Variants in TMEM273 observed in about 807,000 individuals in gnomAD.
The protein encoded by TMEM273 is chromosome 10 open reading frame 128.
A neutral mutation model predicts 17.9 loss-of-function variants in TMEM273; 19 were observed. That is an observed-to-expected ratio of 1.06 (90% CI 0.74 to 1.55). The LOEUF (loss-of-function observed/expected upper bound fraction) is 1.55. Ranked by LOEUF, TMEM273 falls within the 40% of genes most tolerant of loss-of-function variation. The pLI is 0.00. For synonymous variants in TMEM273, 66 were observed against 62.0 expected, an observed-to-expected ratio of 1.07 and a Z score of -0.31; for missense variants, 194 against 155.6, an observed-to-expected ratio of 1.25 and a Z score of -1.31.
At chr10:49,162,714 C>T (rs369766860) in intron 5 of TMEM273, among the ~76,000 whole-genome samples, 1 of 152,114 alleles carries the variant, frequency 6.6e-6, no homozygotes, top group African/African-American at 2.4e-5. Context: ...AGCAGAGGGC[C>T]CCTGAGGCCA....
At chr10:49,165,083 A>C in intron 5 of TMEM273, 122 bp downstream of exon 5, 1 of 1,371,056 alleles carries the variant, frequency 7.3e-7, no homozygotes, top group Non-Finnish European at 9.6e-7. Context: ...TTTAGAAAAA[A>C]ACCCATGCAA....
intron 1 of TMEM273, among the ~76,000 whole-genome samples, chr10:49,186,917 C>T (rs149019805): frequency 1.3e-5 from 2 of 152,216 alleles, no homozygotes; most frequent in East Asian, 3.9e-4. Context: ...CCCAGCACAT[C>T]GACACACTAA....
chr10:49,165,919 G>A lies in TMEM273; in HGVS notation c.239-123C>T, dbSNP rs533735223. The A allele has an allele frequency of 1.4e-5, 17 of 1,253,220 alleles. No homozygotes were observed. The East Asian group carries it at 4.0e-4, about 30-fold the overall frequency. 77.6% of individuals were successfully genotyped at this position (1,253,220 alleles called of 1,614,324 possible). A position where few individuals can be genotyped will look rare whatever the true frequency, so the allele number is the denominator to read the frequency against. The stretch of plus-strand genomic sequence containing the variant: ...TCACGGTTGCCCTCGAGAGACCCGG[G>A]GCCTGGCTGCTATGTGATGAAGAGG... On this transcript the variant is annotated intron_variant, in intron 3 of 6. Transcript: ENST00000374153.
intron 1 of TMEM273, among the ~76,000 whole-genome samples, chr10:49,177,351 G>A (rs537468082): frequency 1.2e-4 from 18 of 152,270 alleles, no homozygotes; most frequent in African/African-American, 2.6e-4. Flanking sequence ...TCCCTGATTC[G>A]GGTCCTCACT....
intron 1 of TMEM273, among the ~76,000 whole-genome samples, chr10:49,182,276 T>C (rs1564647226): frequency 6.6e-6 from 1 of 152,182 alleles, no homozygotes; most frequent in Non-Finnish European, 1.5e-5. Flanking sequence ...GGAACAGCTG[T>C]CAGGAAAAAT....
At chr10:49,163,481 A>T (rs1479369871) in intron 5 of TMEM273, among the ~76,000 whole-genome samples, 1 of 152,132 alleles carries the variant, frequency 6.6e-6, no homozygotes, top group African/African-American at 2.4e-5. Context: ...CGGGGCCTGG[A>T]CACTTCACAG....
At chr10:49,162,101 A>G (rs1164249945) in intron 5 of TMEM273, among the ~76,000 whole-genome samples, 1 of 152,186 alleles carries the variant, frequency 6.6e-6, no homozygotes, top group Non-Finnish European at 1.5e-5. Context: ...TGATAGCTCA[A>G]AATAACCCAG....
At chr10:49,166,841 AG>A in intron 3 of TMEM273, 27 bp downstream of exon 3, 1 of 1,612,190 alleles carries the variant, frequency 6.2e-7, no homozygotes. Flanking sequence ...GGTGGGGCAG[AG>A]CCAGGCCCGA....
At chr10:49,169,840 G>A (rs1358727095) in intron 1 of TMEM273, among the ~76,000 whole-genome samples, 2 of 152,242 alleles carry the variant, frequency 1.3e-5, no homozygotes, top group African/African-American at 2.4e-5. Flanking sequence ...CCAACTCAGA[G>A]CTGTGTGTGC....
intron 1 of TMEM273, among the ~76,000 whole-genome samples, chr10:49,176,503 G>A (rs1020321896): frequency 1.9e-4 from 29 of 152,224 alleles, no homozygotes; most frequent in African/African-American, 6.8e-4. Context: ...GCTGGAAGCC[G>A]TGCGGAATAA....
At chr10:49,183,563 C>T (rs1464209501) in intron 1 of TMEM273, among the ~76,000 whole-genome samples, 2 of 151,988 alleles carry the variant, frequency 1.3e-5, no homozygotes, top group Admixed American at 6.6e-5. Flanking sequence ...TTTTCAATGT[C>T]CTTTCTATTC....
At chr10:49,186,436 G>C (rs553369230) in intron 1 of TMEM273, among the ~76,000 whole-genome samples, 1 of 152,112 alleles carries the variant, frequency 6.6e-6, no homozygotes, top group South Asian at 2.1e-4. Flanking sequence ...CTGGGTGAAG[G>C]GTTATGAACA....
intron 1 of TMEM273, among the ~76,000 whole-genome samples, chr10:49,179,271 G>C (rs745399994): frequency 3.3e-5 from 5 of 152,242 alleles, no homozygotes; most frequent in Non-Finnish European, 7.3e-5. Context: ...CTAGTGAAAA[G>C]GTCTGCTGAG....
chr10:49,170,254 C>T (rs959419306), intron 1 of TMEM273, among the ~76,000 whole-genome samples: 1 of 152,174 alleles, frequency 6.6e-6, no homozygotes, highest in Admixed American at 6.5e-5. Context: ...GAGGAGAAAG[C>T]CCTAACATCA....
intron 1 of TMEM273, among the ~76,000 whole-genome samples, chr10:49,169,006 G>A (rs945602002): frequency 9.9e-5 from 15 of 152,174 alleles, no homozygotes; most frequent in Non-Finnish European, 1.9e-4. Context: ...AGGAACGGGA[G>A]GCATTGTGGT....
intron 1 of TMEM273, among the ~76,000 whole-genome samples, chr10:49,184,859 A>G (rs1847570259): frequency 6.6e-6 from 1 of 152,238 alleles, no homozygotes; most frequent in Admixed American, 6.5e-5. Context: ...TTCTGACAGT[A>G]TGGGAATGGA....
chr10:49,173,900 T>C (rs1374554587), intron 1 of TMEM273, among the ~76,000 whole-genome samples: 1 of 152,114 alleles, frequency 6.6e-6, no homozygotes, highest in African/African-American at 2.4e-5. Context: ...TCTGAGACCA[T>C]GTACACTGTA....
intron 1 of TMEM273, among the ~76,000 whole-genome samples, chr10:49,172,200 C>A (rs992950962): frequency 8.5e-5 from 13 of 152,256 alleles, no homozygotes; most frequent in Admixed American, 8.5e-4. Flanking sequence ...TAACAGGGCT[C>A]ACACATGTAA....
In TMEM273 at chr10:49,186,244, C is replaced by A. The variant is rs187066262; in HGVS notation, c.43+2050G>T. ...GCTCATAGAAAGGCATGTCTTTCAA[C>A]TAAATATATTGGATATTGTTGGAAA... On this transcript the variant is annotated intron_variant, in intron 1 of 6. Coordinates refer to ENST00000374153, the MANE Select transcript of TMEM273 (RefSeq NM_001288740.3). 3.3e-4 allele frequency among the ~76,000 whole-genome samples: 51 copies of A among 152,264 alleles called. No individual in the cohort carries two copies. In the East Asian group the frequency reaches 9.3e-3, roughly 28 times the overall value.
Sources: allele counts gnomAD v4.1 joint callset (sites outside exome capture counted in the v4.1 genomes callset), GRCh38; gene constraint gnomAD v4.1.1; transcripts MANE v1.5; gene names NCBI Gene and HGNC (gene_info 2026-07-23, HGNC 2026-07-21).